The following PPFIA2 variants were observed in gnomAD, a reference collection of about 807,000 sequenced individuals.
PPFIA2 encodes the protein liprin-alpha-2.
In PPFIA2, 46 loss-of-function variants were observed where a neutral mutation model predicts 175.5. That is an observed-to-expected ratio of 0.26 (90% CI 0.21 to 0.34). The LOEUF is 0.34. Ranked by LOEUF, PPFIA2 falls within the 10% of genes least tolerant of loss-of-function variation. PPFIA2 has a pLI of 1.00. For synonymous variants in PPFIA2, 568 were observed against 511.4 expected (o/e 1.11, Z -1.49); for missense variants, 1,179 against 1,506.1 (o/e 0.78, Z 3.60).
intron 24 of PPFIA2, among the ~76,000 whole-genome samples, chr12:81,290,788 C>T (rs756775320): frequency 1.3e-5 from 2 of 151,552 alleles, no homozygotes; most frequent in African/African-American, 2.4e-5. Flanking sequence ...ATATGCATTC[C>T]GTATACACAA....
At chr12:81,344,637 TA>T in intron 19 of PPFIA2, 26 bp downstream of exon 19, 1 of 1,497,766 alleles carries the variant, frequency 6.7e-7, no homozygotes, top group Non-Finnish European at 9.1e-7. Flanking sequence ...ATTCAATTCG[TA>T]ATGATGTAAA....
chr12:81,554,619 T>A (rs2068519951), intron 4 of PPFIA2, among the ~76,000 whole-genome samples: 1 of 152,028 alleles, frequency 6.6e-6, no homozygotes, highest in Non-Finnish European at 1.5e-5. Flanking sequence ...TCTGATCAGA[T>A]ATTTGAAAAG....
At chr12:81,462,028 T>C (rs1305423133) in intron 4 of PPFIA2, among the ~76,000 whole-genome samples, 2 of 151,802 alleles carry the variant, frequency 1.3e-5, no homozygotes, top group African/African-American at 4.8e-5. Flanking sequence ...GTTGTGATAA[T>C]AAATAAATGG....
At chr12:81,494,176 A>C (rs1036662647) in intron 4 of PPFIA2, among the ~76,000 whole-genome samples, 4 of 152,010 alleles carry the variant, frequency 2.6e-5, no homozygotes, top group Non-Finnish European at 5.9e-5. Context: ...ATGGGAAAAA[A>C]TTTTCGCAAC....
rs185904365 is a variant in PPFIA2 at position 81,686,934 on chromosome 12, A to C, written c.250-10090T>G. 1.1e-4 allele frequency among the ~76,000 whole-genome samples: 16 copies of C among 152,062 alleles called. No individual in the cohort carries two copies. The East Asian group carries it at 1.7e-3, about 17-fold the overall frequency. On this transcript the variant is annotated intron_variant, in intron 3 of 32. Transcript: ENST00000549396. Reference sequence around the variant, plus strand: ...TTCCTTTTTCCACTCTCACTTTCATATCATCTTTTCTTCCAACCAGTTCCC... The same window carrying C: ...TTCCTTTTTCCACTCTCACTTTCATCTCATCTTTTCTTCCAACCAGTTCCC...
At chr12:81,512,997 C>T (rs921324259) in intron 4 of PPFIA2, among the ~76,000 whole-genome samples, 3 of 151,872 alleles carry the variant, frequency 2.0e-5, no homozygotes, top group South Asian at 2.1e-4. Context: ...TTACAAACTA[C>T]GCATCTGACA....
At chr12:81,370,209 G>A (rs1009283243) in intron 11 of PPFIA2, among the ~76,000 whole-genome samples, 4 of 151,772 alleles carry the variant, frequency 2.6e-5, no homozygotes, top group African/African-American at 9.7e-5. Flanking sequence ...ACCTTGCTCT[G>A]TAGAAAAAAA....
chr12:81,369,714 G>A (rs549273935), intron 11 of PPFIA2, among the ~76,000 whole-genome samples: 19 of 151,736 alleles, frequency 1.3e-4, no homozygotes, highest in African/African-American at 2.9e-4. Context: ...TCAGACTAAC[G>A]AGTCAAGGAA....
At chr12:81,514,592 T>A (rs1259998521) in intron 4 of PPFIA2, among the ~76,000 whole-genome samples, 1 of 151,910 alleles carries the variant, frequency 6.6e-6, no homozygotes, top group Non-Finnish European at 1.5e-5. Context: ...GCAAGTAAAC[T>A]CACTTACTAA....
At chr12:81,429,284 G>T (rs2047689857) in intron 7 of PPFIA2, among the ~76,000 whole-genome samples, 1 of 151,922 alleles carries the variant, frequency 6.6e-6, no homozygotes, top group Non-Finnish European at 1.5e-5. Context: ...ATTTGCAAAG[G>T]CCCCTCAAAA....
chr12:81,379,977 C>T (rs1682994351), intron 9 of PPFIA2, among the ~76,000 whole-genome samples: 1 of 152,104 alleles, frequency 6.6e-6, no homozygotes, highest in Non-Finnish European at 1.5e-5. Flanking sequence ...AATTTTTACT[C>T]AATTATTACA....
chr12:81,620,155 T>C (rs1352545156), intron 4 of PPFIA2, among the ~76,000 whole-genome samples: 4 of 99,648 alleles, frequency 4.0e-5, no homozygotes, highest in Non-Finnish European at 6.1e-5. Context: ...GTGACACTCC[T>C]TCTCAAAAAA....
At chr12:81,663,862 T>G (rs1228894113) in intron 4 of PPFIA2, among the ~76,000 whole-genome samples, 2 of 151,866 alleles carry the variant, frequency 1.3e-5, no homozygotes, top group African/African-American at 4.8e-5. Context: ...TGGAACAGAA[T>G]AGAGCCCTCA....
chr12:81,586,000 G>T (rs2075257912), intron 4 of PPFIA2, among the ~76,000 whole-genome samples: 1 of 151,824 alleles, frequency 6.6e-6, no homozygotes, highest in South Asian at 2.1e-4. Context: ...GTCACTTTGT[G>T]ATAGAAATTT....
At chr12:81,460,661 C>T (rs970338965) in intron 4 of PPFIA2, among the ~76,000 whole-genome samples, 37 of 152,176 alleles carry the variant, frequency 2.4e-4, no homozygotes, top group African/African-American at 8.7e-4. Context: ...GTTCTCTTTC[C>T]TATACCTATT....
chr12:81,575,211 A>G (rs1396806917), intron 4 of PPFIA2, among the ~76,000 whole-genome samples: 6 of 151,972 alleles, frequency 3.9e-5, no homozygotes, highest in South Asian at 2.1e-4. Context: ...CACAATGGAA[A>G]TAGTTTCTGA....
chr12:81,566,995 A>G (rs2071461254), intron 4 of PPFIA2, among the ~76,000 whole-genome samples: 1 of 152,250 alleles, frequency 6.6e-6, no homozygotes, highest in African/African-American at 2.4e-5. Context: ...TGCAGTTTAT[A>G]AAATATGTAA....
intron 24 of PPFIA2, chr12:81,294,439 TAGGA>T (rs141474237): frequency 0.41 from 47,352 of 116,230 alleles, 9,997 homozygotes; most frequent in Non-Finnish European, 0.46. Context: ...GGAAGGTAGG[TAGGA>T]AGGAAGGAAG....
intron 4 of PPFIA2, among the ~76,000 whole-genome samples, chr12:81,659,923 C>T (rs897003976): frequency 4.6e-5 from 7 of 151,918 alleles, no homozygotes; most frequent in African/African-American, 7.2e-5. Context: ...GCAGCCTCCA[C>T]GCTCCAGGCA....
Sources: allele counts gnomAD v4.1 joint callset (sites outside exome capture counted in the v4.1 genomes callset), GRCh38; gene constraint gnomAD v4.1.1; transcripts MANE v1.5; gene names NCBI Gene and HGNC (gene_info 2026-07-23, HGNC 2026-07-21).